The following NRG3 variants were observed in gnomAD, a reference collection of about 807,000 sequenced individuals.
The protein encoded by NRG3 is pro-neuregulin-3, membrane-bound isoform.
In NRG3, 31 loss-of-function variants were observed where a neutral mutation model predicts 66.9. The observed-to-expected ratio is 0.46, with a 90% CI of 0.35 to 0.63. The LOEUF is 0.63. Ranked by LOEUF, NRG3 falls within the 20% of genes least tolerant of loss-of-function variation. The pLI is 0.00. For synonymous variants in NRG3, 393 were observed against 359.4 expected (o/e 1.09, Z -1.06); for missense variants, 910 against 878.9 (o/e 1.04, Z -0.45).
intron 1 of NRG3, among the ~76,000 whole-genome samples, chr10:82,240,116 C>T (rs888551734): frequency 2.1e-4 from 32 of 151,810 alleles, no homozygotes; most frequent in African/African-American, 6.8e-4. Context: ...CTAGAGTTCT[C>T]GTTGGAACTG....
intron 8 of NRG3, chr10:82,984,850 TTAAAG>T (rs1853292997): frequency 6.6e-7 from 1 of 1,509,030 alleles, no homozygotes; most frequent in African/African-American, 1.4e-5. Flanking sequence ...ACCCCTGGAC[TTAAAG>T]TAAGAAGATC....
At chr10:82,222,400 C>T (rs1369840796) in intron 1 of NRG3, among the ~76,000 whole-genome samples, 1 of 151,956 alleles carries the variant, frequency 6.6e-6, no homozygotes, top group Non-Finnish European at 1.5e-5. Context: ...GTTGGATGAG[C>T]GATTTAGACA....
At chr10:82,965,121 A>C (rs1053682123) in intron 6 of NRG3, among the ~76,000 whole-genome samples, 1 of 152,202 alleles carries the variant, frequency 6.6e-6, no homozygotes, top group Non-Finnish European at 1.5e-5. Flanking sequence ...AACAACAACA[A>C]AAAACACTTG....
intron 7 of NRG3, among the ~76,000 whole-genome samples, chr10:82,978,411 T>C (rs1852505537): frequency 6.6e-6 from 1 of 152,236 alleles, no homozygotes; most frequent in Non-Finnish European, 1.5e-5. Flanking sequence ...TTTGTCAAGA[T>C]TGATTAAAAT....
At chr10:81,913,005 C>T (rs964938340) in intron 1 of NRG3, among the ~76,000 whole-genome samples, 2 of 152,180 alleles carry the variant, frequency 1.3e-5, no homozygotes, top group South Asian at 2.1e-4. Flanking sequence ...CTTAGACAAG[C>T]TAATTAATGT....
chr10:82,586,725 A>G (rs1030364420), intron 2 of NRG3, among the ~76,000 whole-genome samples: 3 of 152,198 alleles, frequency 2.0e-5, no homozygotes, highest in Non-Finnish European at 4.4e-5. Flanking sequence ...TTGCTTTTGA[A>G]ATTAGAAAAA....
intron 1 of NRG3, among the ~76,000 whole-genome samples, chr10:82,234,554 G>T (rs1434524879): frequency 1.3e-5 from 2 of 152,200 alleles, no homozygotes; most frequent in South Asian, 2.1e-4. Context: ...GCAATCAAGG[G>T]TAGACACATG....
chr10:82,040,227 T>G (rs1398834887), intron 1 of NRG3, among the ~76,000 whole-genome samples: 1 of 152,086 alleles, frequency 6.6e-6, no homozygotes, highest in African/African-American at 2.4e-5. Context: ...CACCACCGTC[T>G]TTCAACAGTA....
At chr10:82,448,740 C>G (rs116688242) in intron 2 of NRG3, among the ~76,000 whole-genome samples, 260 of 152,164 alleles carry the variant, frequency 1.7e-3, no homozygotes, top group African/African-American at 6.0e-3. Context: ...TTTTATTGCA[C>G]TTAATTACTG....
intron 1 of NRG3, among the ~76,000 whole-genome samples, chr10:82,228,349 C>T (rs911134404): frequency 2.0e-5 from 3 of 152,110 alleles, no homozygotes; most frequent in African/African-American, 7.2e-5. Flanking sequence ...TTGTACCCCT[C>T]ATTAGGGATA....
At chr10:82,096,358 C>T (rs773137537) in intron 1 of NRG3, among the ~76,000 whole-genome samples, 1 of 152,062 alleles carries the variant, frequency 6.6e-6, no homozygotes, top group East Asian at 1.9e-4. Flanking sequence ...TGCCTGTAGT[C>T]CCAGCTACTT....
intron 1 of NRG3, among the ~76,000 whole-genome samples, chr10:81,957,293 C>T (rs1321690247): frequency 6.6e-6 from 1 of 152,212 alleles, no homozygotes; most frequent in South Asian, 2.1e-4. Flanking sequence ...AGAGCTCATT[C>T]ATTATAGTAC....
chr10:82,762,130 T>A (rs1228394113), intron 3 of NRG3, among the ~76,000 whole-genome samples: 1 of 151,716 alleles, frequency 6.6e-6, no homozygotes, highest in Non-Finnish European at 1.5e-5. Flanking sequence ...CACAGCTCAC[T>A]GCAGCCTCCG....
At chr10:82,842,681 G>A (rs777323392) in intron 3 of NRG3, among the ~76,000 whole-genome samples, 1 of 152,074 alleles carries the variant, frequency 6.6e-6, no homozygotes, top group African/African-American at 2.4e-5. Context: ...CACAGAGAAC[G>A]CCTGAAACCA....
At chr10:82,823,904 T>C (rs1400598542) in intron 3 of NRG3, among the ~76,000 whole-genome samples, 3 of 152,152 alleles carry the variant, frequency 2.0e-5, no homozygotes, top group African/African-American at 4.8e-5. Flanking sequence ...TTTTAGCATA[T>C]ACATAAAAAG....
At chr10:81,985,612 A>G (rs941414806) in intron 1 of NRG3, among the ~76,000 whole-genome samples, 5 of 152,232 alleles carry the variant, frequency 3.3e-5, no homozygotes, top group Non-Finnish European at 2.9e-5. Context: ...CTTTGGGGAT[A>G]TAATTGAAAA....
At chr10:82,620,832 C>G (rs1182649325) in intron 2 of NRG3, among the ~76,000 whole-genome samples, 3 of 151,828 alleles carry the variant, frequency 2.0e-5, no homozygotes, top group Non-Finnish European at 4.4e-5. Flanking sequence ...AACCACCAAG[C>G]CATCCTATTC....
At chr10:82,578,750 CT>C in intron 2 of NRG3, among the ~76,000 whole-genome samples, 1 of 151,890 alleles carries the variant, frequency 6.6e-6, no homozygotes, top group African/African-American at 2.4e-5. Flanking sequence ...ATGTCCATTA[CT>C]TTGCTTAACT....
chr10:81,951,115 T>G (rs1462187622), intron 1 of NRG3, among the ~76,000 whole-genome samples: 2 of 152,200 alleles, frequency 1.3e-5, no homozygotes, highest in African/African-American at 4.8e-5. Flanking sequence ...GCCAGTCATG[T>G]GGCTGCTGAA....
Sources: gnomAD v4.1 joint callset for allele counts (sites outside exome capture counted in the v4.1 genomes callset) on GRCh38, gnomAD v4.1.1 for gene constraint, MANE v1.5 for transcripts, NCBI Gene and HGNC (gene_info 2026-07-23, HGNC 2026-07-21) for gene names.